The following HOXB3 variants were observed in gnomAD, a reference collection of about 807,000 sequenced individuals.
The protein encoded by HOXB3 is homeobox protein Hox-B3.
Under a neutral mutation model 29.2 loss-of-function variants are expected in HOXB3, and 17 were observed. That is an observed-to-expected ratio of 0.58 (90% CI 0.40 to 0.87). The LOEUF is 0.87. Among genes scored for constraint, HOXB3 ranks in the 40% least tolerant of loss-of-function variants. The probability of loss-of-function intolerance (pLI) is 0.00; values close to 1 mark genes in which losing one functional copy is unlikely to be tolerated. For synonymous variants in HOXB3, 317 were observed against 285.9 expected (o/e 1.11, Z -1.10); for missense variants, 637 against 616.3 (o/e 1.03, Z -0.35).
chr17:48,555,315 G>T, intron 3 of HOXB3: 1 of 557,964 alleles, frequency 1.8e-6, no homozygotes, highest in Non-Finnish European at 3.1e-6. Context: ...GAAGCAGGAA[G>T]AGAGAGGGGA....
At chr17:48,555,453 G>A in intron 3 of HOXB3, 78 bp downstream of exon 3, 2 of 697,982 alleles carry the variant, frequency 2.9e-6, no homozygotes, top group Non-Finnish European at 5.2e-6. Context: ...AACCGAGATT[G>A]GAGTCATATG....
In HOXB3 at chr17:48,550,581, G is replaced by T. The variant is rs770485641; in HGVS notation, c.1049C>A (p.Pro350Gln). The T allele has an allele frequency of 6.5e-7, 1 of 1,528,196 alleles. No individual in the cohort carries two copies. 94.7% of individuals were successfully genotyped at this position (1,528,196 alleles called of 1,614,324 possible). A position where few individuals can be genotyped will look rare whatever the true frequency, so the allele number is the denominator to read the frequency against. ...GTAGCCGCCCCCGCCCACGTACACC[G>T]GACTGCCCTGCATGGTGGGCGTCCC... Reference protein sequence around the residue: ...AYGTPTMQGSPVYVGGGGYAD... With the variant: ...AYGTPTMQGSQVYVGGGGYAD... The change falls in exon 5 of 5, where the codon CCG (proline) becomes CAG (glutamine). Residue 350 changes from proline (P) to glutamine (Q), a missense_variant. Physicochemically the swap from Pro to Gln is moderately conservative, Grantham distance 76. Transcript: ENST00000498678.
rs11651053 is a variant in HOXB3, at chr17:48,549,562, A to G, written c.*772T>C. 5,239 of 152,736 alleles carry G rather than the reference A, an allele frequency of 0.034. 156 individuals are homozygous for G. The highest frequency in any genetic ancestry group is 0.082 in the African/African-American group (3,403 of 41,530). The allele number at this position is 152,736 out of a possible 1,614,324, so 9.5% of individuals were successfully genotyped here. On this transcript the variant is annotated 3_prime_UTR_variant, in exon 5 of 5. Coordinates refer to ENST00000498678, the MANE Select transcript of HOXB3 (RefSeq NM_001384749.1). The stretch of plus-strand genomic sequence containing the variant: ...TCTGTGGAGAGGGGGATGGAGCTGG[A>G]GCTGAGATGGAGGCAGCAGAATGGG...
chr17:48,551,947 CT>C (rs2068765632), intron 4 of HOXB3, 79 bp downstream of exon 4: 1 of 1,397,342 alleles, frequency 7.2e-7, no homozygotes, highest in African/African-American at 1.4e-5. Context: ...TCGCGGGCGC[CT>C]AGGGGCTGGG....
chr17:48,550,641 T>C lies in HOXB3; in HGVS notation c.989A>G (p.Glu330Gly), dbSNP rs756760816. The C allele has an allele frequency of 1.3e-6, 2 of 1,525,420 alleles. No individual in the cohort carries two copies. Among genetic ancestry groups the C allele is most frequent in the South Asian group, 2.6e-5 (2 of 76,472 alleles). The allele number at this position is 1,525,420 out of a possible 1,614,324, so 94.5% of individuals were successfully genotyped here. A position where few individuals can be genotyped will look rare whatever the true frequency, so the allele number is the denominator to read the frequency against. ...KYPPTPAPEY[E>G]PHVLQANGGA... ...CCCGTTGGCTTGGAGGACGTGCGGC[T>C]CATACTCGGGCGCCGGGGTCGGAGG... Residue 330 changes from glutamate to glycine, a missense_variant, in exon 5 of 5, where the codon GAG (glutamate) becomes GGG (glycine). Physicochemically the swap from Glu to Gly is moderately conservative, Grantham distance 98. Transcript: ENST00000498678.
chr17:48,587,247 G>A (rs1017237750), intron 1 of HOXB3, among the ~76,000 whole-genome samples: 2 of 152,066 alleles, frequency 1.3e-5, no homozygotes, highest in Non-Finnish European at 2.9e-5. Flanking sequence ...AAACAGCTCC[G>A]TTTCCAGGCG....
intron 2 of HOXB3, among the ~76,000 whole-genome samples, chr17:48,572,118 T>C (rs142025580): frequency 0.01 from 1,544 of 152,318 alleles, 26 homozygotes; most frequent in African/African-American, 0.035. Flanking sequence ...CAGGGCTCAC[T>C]GTTTGGCAAA....
At position 48,551,198 on chromosome 17, in the gene HOXB3, G is replaced by C. The variant is rs367766698; in HGVS notation, c.449-17C>G. 2,953 of 1,280,794 alleles carry C rather than the reference G, an allele frequency of 2.3e-3. 7 individuals carry two copies. The highest frequency in any genetic ancestry group is 2.8e-3 in the Non-Finnish European group (2,826 of 1,012,176). 79.3% of individuals were successfully genotyped at this position (1,280,794 alleles called of 1,614,324 possible). A position where few individuals can be genotyped will look rare whatever the true frequency, so the allele number is the denominator to read the frequency against. ...AGCCCTCTGCTGGATCCGAGGGGGAGGGGTGGGAAGGGGAGAAAATGAAAT... is the reference window on the plus strand; with the variant it reads ...AGCCCTCTGCTGGATCCGAGGGGGACGGGTGGGAAGGGGAGAAAATGAAAT... On this transcript the variant is annotated splice_polypyrimidine_tract_variant and intron_variant, in intron 4 of 4. Coordinates refer to ENST00000498678, the MANE Select transcript of HOXB3 (RefSeq NM_001384749.1).
chr17:48,567,306 A>G (rs2069421462), intron 2 of HOXB3, among the ~76,000 whole-genome samples: 1 of 152,162 alleles, frequency 6.6e-6, no homozygotes, highest in Non-Finnish European at 1.5e-5. Context: ...AATAATTAAC[A>G]CCTGGGCGCG....
chr17:48,554,510 G>A lies in HOXB3; in HGVS notation c.-159+1021C>T, dbSNP rs991800680. On this transcript the variant is annotated intron_variant, in intron 3 of 4. Transcript: ENST00000498678. This position sits in a 1 kb window ranked among gnomAD's most constrained non-coding sequence, Gnocchi z 4.1. ...CGCGATAGGAAAGAATGGAGACTCCGCCGGTGGTGCAGACAGGGCTGGGAA... is the reference window on the plus strand; with the variant it reads ...CGCGATAGGAAAGAATGGAGACTCCACCGGTGGTGCAGACAGGGCTGGGAA... 1.6e-4 allele frequency: 102 copies of A among 638,856 alleles called. No individual in the cohort carries two copies. The East Asian group carries it at 2.8e-3, about 17-fold the overall frequency. 39.6% of individuals were successfully genotyped at this position (638,856 alleles called of 1,614,324 possible).
At chr17:48,576,655 C>CCCCCCCACCCCCCCCCCCA in intron 1 of HOXB3, 1 of 662,298 alleles carries the variant, frequency 1.5e-6, no homozygotes, top group African/African-American at 1.8e-5. Context: ...TCCTGTCCCC[C>CCCCCCCACCCCCCCCCCCA]CACCCCATCC....
At chr17:48,586,274 C>G (rs2070043843) in intron 1 of HOXB3, among the ~76,000 whole-genome samples, 1 of 152,222 alleles carries the variant, frequency 6.6e-6, no homozygotes, top group African/African-American at 2.4e-5. Context: ...GGACAAGGTG[C>G]TTTTTGGGAT....
rs2068880220 is a variant in HOXB3 at position 48,554,440 on chromosome 17, G to C, written c.-159+1091C>G. The C allele has an allele frequency of 3.4e-6, 2 of 588,104 alleles. No individual in the cohort carries two copies. The highest frequency in any genetic ancestry group is 6.1e-6 in the Non-Finnish European group (2 of 330,110). The allele number at this position is 588,104 out of a possible 1,614,324, so 36.4% of individuals were successfully genotyped here. On this transcript the variant is annotated intron_variant, in intron 3 of 4. Transcript: ENST00000498678. The surrounding 1 kb of genome is among the most constrained non-coding windows in gnomAD (Gnocchi z 4.1). ...CCCTTGCAATAAACCCCAAACCATC[G>C]CGGGACGGAGGCCAGGCGAGTGTGG...
chr17:48,562,949 T>C (rs1370228774), intron 2 of HOXB3, among the ~76,000 whole-genome samples: 1 of 152,160 alleles, frequency 6.6e-6, no homozygotes, highest in African/African-American at 2.4e-5. Flanking sequence ...ATTATTCACT[T>C]GCTCCCCACT....
chr17:48,580,252 G>A (rs1171527216), intron 1 of HOXB3: 2 of 186,306 alleles, frequency 1.1e-5, no homozygotes, highest in African/African-American at 2.4e-5. Context: ...GTCATTCTGA[G>A]GCTGCCACGA....
chr17:48,583,811 C>T (rs889223360), intron 1 of HOXB3, among the ~76,000 whole-genome samples: 2 of 152,226 alleles, frequency 1.3e-5, no homozygotes, highest in African/African-American at 2.4e-5. Context: ...TGCAGAGAAA[C>T]TCACCTAAGG....
chr17:48,554,799 G>A lies in HOXB3; in HGVS notation c.-159+732C>T, dbSNP rs1180910453. 2 of 702,264 alleles carry A rather than the reference G, an allele frequency of 2.8e-6. No individual in the cohort carries two copies. The highest frequency in any genetic ancestry group is 5.2e-6 in the Non-Finnish European group (2 of 384,836). 43.5% of individuals were successfully genotyped at this position (702,264 alleles called of 1,614,324 possible). ...AAGGCGCCTTAGAAACTCCGCTTCG[G>A]GACTTTGCTCAGCAGGGCTCCGGGT... On this transcript the variant is annotated intron_variant, in intron 3 of 4. Coordinates refer to ENST00000498678, the MANE Select transcript of HOXB3 (RefSeq NM_001384749.1). This position sits in a 1 kb window ranked among gnomAD's most constrained non-coding sequence, Gnocchi z 4.1.
chr17:48,582,340 C>G (rs1475751398), intron 1 of HOXB3: 2 of 152,238 alleles, frequency 1.3e-5, no homozygotes, highest in African/African-American at 2.4e-5. Flanking sequence ...GCGGACGCGC[C>G]GGGCAACAGC....
In HOXB3 at chr17:48,562,600, C is replaced by A. The variant is rs138422565; in HGVS notation, c.-246-6982G>T. On this transcript the variant is annotated intron_variant, in intron 2 of 4. Coordinates refer to ENST00000498678, the MANE Select transcript of HOXB3 (RefSeq NM_001384749.1). ...CATTTCAAGAAACTCCCATTAATAT[C>A]AATTTACTTCACTGAAACCTCGGGT... is the stretch of plus-strand genomic sequence containing the variant. 4.1e-3 allele frequency among the ~76,000 whole-genome samples: 627 copies of A among 152,270 alleles called. 3 individuals are homozygous for A. The highest frequency in any genetic ancestry group is 0.014 in the African/African-American group (593 of 41,540).
Sources: allele counts gnomAD v4.1 joint callset (sites outside exome capture counted in the v4.1 genomes callset), GRCh38; gene constraint gnomAD v4.1.1; non-coding constraint Gnocchi (gnomAD v3.1); transcripts MANE v1.5; gene names NCBI Gene and HGNC (gene_info 2026-07-23, HGNC 2026-07-21).